The following EGFL6 variants were observed in gnomAD, a reference collection of about 807,000 sequenced individuals.
The protein encoded by EGFL6 is EGF like domain multiple 6, also known as epidermal growth factor-like protein 6.
In EGFL6, 42 loss-of-function variants were observed where a neutral mutation model predicts 43.1. That is an observed-to-expected ratio of 0.98 (90% CI 0.76 to 1.26). EGFL6 has a LOEUF of 1.26. Ranked by LOEUF, EGFL6 falls within the 50% of genes most tolerant of loss-of-function variation. The pLI, the probability that EGFL6 is intolerant of heterozygous loss-of-function variation, is 0.00. For synonymous variants in EGFL6, 164 were observed against 163.2 expected (o/e 1.01, Z -0.04); for missense variants, 429 against 427.8 (o/e 1.00, Z -0.02).
chrX:13,581,008 A>T (rs2045502570), intron 1 of EGFL6, among the ~76,000 whole-genome samples: 1 of 111,471 alleles, frequency 9.0e-6, no homozygotes, highest in Admixed American at 9.5e-5. Flanking sequence ...CTCCTTTATC[A>T]ACGTTCCCTT....
chrX:13,617,051 A>T (rs1036102486), intron 7 of EGFL6, among the ~76,000 whole-genome samples: 3 of 99,908 alleles, frequency 3.0e-5, no homozygotes, highest in Non-Finnish European at 5.8e-5. Flanking sequence ...TTGTATTTTT[A>T]GTAGAGAGAC....
chrX:13,592,468 C>T (rs2045569788), intron 2 of EGFL6, among the ~76,000 whole-genome samples: 1 of 112,103 alleles, frequency 8.9e-6, no homozygotes, highest in South Asian at 3.6e-4. Flanking sequence ...ATGTTTACAA[C>T]ACTATATTAA....
At position 13,627,137 on chromosome X, in the gene EGFL6, C is replaced by G; in HGVS notation, c.1412C>G (p.Ala471Gly). Residue 471 changes from alanine to glycine, a missense_variant, in exon 11 of 12, where the codon GCC becomes GGC. Transcript: ENST00000361306. ...TGTTTGCTCTTTGATTACCGGCTGG[C>G]CGGAGACAAAGTCGGGAAACTTCGA... Reference protein sequence around the residue: ...NFCLLFDYRLAGDKVGKLRVF... With the variant: ...NFCLLFDYRLGGDKVGKLRVF... 2 of 1,211,985 alleles carry G rather than the reference C, an allele frequency of 1.7e-6. No homozygotes were observed. The highest frequency in any genetic ancestry group is 2.2e-6 in the Non-Finnish European group (2 of 895,609).
intron 6 of EGFL6, 37 bp downstream of exon 6, chrX:13,606,550 C>T (rs1417342125): frequency 6.7e-6 from 8 of 1,186,280 alleles, no homozygotes; most frequent in Admixed American, 4.5e-5. Flanking sequence ...TTTTTCCTGT[C>T]CCCACCAAAC....
chrX:13,600,943 A>G (rs922548226), intron 4 of EGFL6, among the ~76,000 whole-genome samples: 6 of 110,131 alleles, frequency 5.4e-5, no homozygotes, highest in African/African-American at 2.0e-4. Flanking sequence ...CCAAAAGGAA[A>G]CCAGACCCAG....
At chrX:13,626,409 GC>G (rs1400282277) in intron 10 of EGFL6, among the ~76,000 whole-genome samples, 2 of 112,141 alleles carry the variant, frequency 1.8e-5, no homozygotes, top group Admixed American at 1.9e-4. Context: ...TTGGATATGA[GC>G]AAAAGTCCAC....
chrX:13,583,648 AGAT>A (rs1308535352), intron 1 of EGFL6, among the ~76,000 whole-genome samples: 2 of 112,337 alleles, frequency 1.8e-5, no homozygotes, highest in East Asian at 5.5e-4. Context: ...GGTTGGAACC[AGAT>A]GATATCTAAG....
chrX:13,631,554 G>C (rs1297703495), intron 11 of EGFL6, among the ~76,000 whole-genome samples: 1 of 110,952 alleles, frequency 9.0e-6, no homozygotes, highest in Non-Finnish European at 1.9e-5. Context: ...GGCCTAGGTG[G>C]GTGGATCACT....
intron 11 of EGFL6, 31 bp from the exon 12 acceptor site, chrX:13,632,954 A>G: frequency 8.7e-7 from 1 of 1,148,189 alleles, no homozygotes; most frequent in Non-Finnish European, 1.2e-6. Context: ...AACAGTTTGG[A>G]GTAATTTTTT....
chrX:13,584,601 T>A (rs754093906), intron 1 of EGFL6, among the ~76,000 whole-genome samples: 1 of 111,923 alleles, frequency 8.9e-6, no homozygotes. Flanking sequence ...AGAGAATTCA[T>A]CATCTATCCT....
At chrX:13,624,095 C>T (rs1426823321) in intron 10 of EGFL6, among the ~76,000 whole-genome samples, 170 bp downstream of exon 10, 2 of 111,098 alleles carry the variant, frequency 1.8e-5, no homozygotes, top group Non-Finnish European at 3.8e-5. Context: ...CTTGGTCCAG[C>T]ATATATTCTC....
intron 11 of EGFL6, 144 bp from the exon 12 acceptor site, chrX:13,632,841 T>TA (rs1469252146): frequency 2.1e-6 from 1 of 469,793 alleles, no homozygotes; most frequent in East Asian, 4.2e-5. Context: ...ACCTGGCATC[T>TA]AAAAAATAAT....
chrX:13,609,613 G>A (rs773872401), intron 7 of EGFL6, among the ~76,000 whole-genome samples: 1 of 110,620 alleles, frequency 9.0e-6, no homozygotes, highest in Non-Finnish European at 1.9e-5. Flanking sequence ...AATTAGCCGG[G>A]CATGGTGGTG....
intron 1 of EGFL6, 115 bp from the exon 2 acceptor site, chrX:13,589,441 C>T (rs1005341080): frequency 2.0e-5 from 11 of 563,310 alleles, no homozygotes; most frequent in South Asian, 1.1e-4. Flanking sequence ...GCACTTACTG[C>T]GGGTTCGTTG....
chrX:13,623,766 G>A lies in EGFL6; in HGVS notation c.1184-58G>A. ...GGTATTGCCTTCCAAAGCCCCAAATGTTAGACACCTTCCTAATGCTTTTAG... is the reference window on the plus strand; with the variant it reads ...GGTATTGCCTTCCAAAGCCCCAAATATTAGACACCTTCCTAATGCTTTTAG... On this transcript the variant is annotated intron_variant, in intron 9 of 11. Transcript: ENST00000361306. 5 of 1,003,606 alleles carry A rather than the reference G, an allele frequency of 5.0e-6. No homozygotes were observed. In the South Asian group the frequency reaches 9.8e-5, roughly 20 times the overall value. The allele number at this position is 1,003,606 out of a possible 1,213,427, so 82.7% of individuals were successfully genotyped here.
Position 13,599,974 on chromosome X carries a change from G to T in EGFL6, c.281-1G>T. ...TCCCTGTTTTCTAAATGTCCCTGCA[G>T]ATGTGAATGAGTGTGGAATGAAACC... On this transcript the variant is annotated splice_acceptor_variant, in intron 3 of 11. Transcript: ENST00000361306. LOFTEE classifies it high-confidence loss of function. 1 of 1,210,386 alleles carries T rather than the reference G, an allele frequency of 8.3e-7. No homozygotes were observed. The highest frequency in any genetic ancestry group is 3.0e-5 in the East Asian group (1 of 33,799).
chrX:13,597,676 C>T lies in EGFL6; in HGVS notation c.281-2299C>T, dbSNP rs761180256. On this transcript the variant is annotated intron_variant, in intron 3 of 11. Coordinates refer to ENST00000361306, the MANE Select transcript of EGFL6 (RefSeq NM_015507.4). ...GCGAATGCCTGTAATCCTAGCTACT[C>T]GGGAGGCTGAGGCAGGAGAATCACA... Among the ~76,000 whole-genome samples the T allele has an allele frequency of 7.2e-5, 8 of 111,075 alleles. No individual in the cohort carries two copies. The South Asian group carries it at 1.9e-3, about 26-fold the overall frequency.
At chrX:13,619,759 A>T (rs141123946) in intron 9 of EGFL6, among the ~76,000 whole-genome samples, 1 of 111,516 alleles carries the variant, frequency 9.0e-6, no homozygotes, top group Non-Finnish European at 1.9e-5. Flanking sequence ...GGGCTCACTC[A>T]TGTGTCCACA....
intron 1 of EGFL6, among the ~76,000 whole-genome samples, chrX:13,578,398 A>G (rs2045485894): frequency 9.3e-6 from 1 of 107,479 alleles, no homozygotes; most frequent in Non-Finnish European, 1.9e-5. Context: ...AGAACTAGAA[A>G]TACCATTAGA....
Sources: allele counts gnomAD v4.1 joint callset (sites outside exome capture counted in the v4.1 genomes callset), GRCh38; gene constraint gnomAD v4.1.1; transcripts MANE v1.5; gene names NCBI Gene and HGNC (gene_info 2026-07-23, HGNC 2026-07-21).